The following LMLN variants were observed in gnomAD, a reference collection of about 807,000 sequenced individuals.
LMLN encodes the protein leishmanolysin-like peptidase.
LMLN carries 70 observed loss-of-function variants against 92.3 expected under a neutral mutation model. That is an observed-to-expected ratio of 0.76 (90% CI 0.63 to 0.92). LMLN has a LOEUF of 0.92. Among genes scored for constraint, LMLN ranks in the 40% least tolerant of loss-of-function variants. LMLN has a pLI of 0.00. For missense variants in LMLN, 691 were observed against 814.6 expected (o/e 0.85, Z 1.85); for synonymous variants, 308 against 296.2 (o/e 1.04, Z -0.41).
intron 11 of LMLN, chr3:197,999,658 G>A: frequency 4.1e-6 from 1 of 243,342 alleles, no homozygotes; most frequent in Non-Finnish European, 8.0e-6. Flanking sequence ...TTCCTGCGTG[G>A]CTGGGACTAC....
intron 15 of LMLN, among the ~76,000 whole-genome samples, chr3:198,037,634 G>T (rs546678893): frequency 2.0e-5 from 3 of 152,166 alleles, no homozygotes; most frequent in Non-Finnish European, 4.4e-5. Context: ...ATGAGACTCT[G>T]TCTCAAAATA....
At chr3:197,982,036 C>A (rs376519861) in intron 6 of LMLN, among the ~76,000 whole-genome samples, 42 of 152,112 alleles carry the variant, frequency 2.8e-4, no homozygotes, top group African/African-American at 9.4e-4. Flanking sequence ...GAACCCCTGA[C>A]CTCAGGTGAT....
chr3:198,002,760 A>G (rs906948447), intron 11 of LMLN, among the ~76,000 whole-genome samples: 2 of 152,230 alleles, frequency 1.3e-5, no homozygotes, highest in African/African-American at 4.8e-5. Context: ...AGTGAAAATT[A>G]CAATAGAAAT....
intron 10 of LMLN, among the ~76,000 whole-genome samples, chr3:197,997,016 CTTTCTTTTCT>C (rs781458174): frequency 0.022 from 3,354 of 149,388 alleles, 127 homozygotes; most frequent in African/African-American, 0.078. Flanking sequence ...TTTTCTTTTC[CTTTCTTTTCT>C]TTTCTTTTCT....
chr3:198,005,520 T>G (rs1722268648), intron 11 of LMLN, among the ~76,000 whole-genome samples: 1 of 152,128 alleles, frequency 6.6e-6, no homozygotes, highest in South Asian at 2.1e-4. Context: ...ATAAATGCTA[T>G]GGAAATAGTT....
chr3:198,032,164 C>A (rs1404578335), intron 14 of LMLN, among the ~76,000 whole-genome samples: 1 of 151,764 alleles, frequency 6.6e-6, no homozygotes, highest in Non-Finnish European at 1.5e-5. Context: ...TGAGCACACA[C>A]ATAGGGCTTG....
At chr3:197,991,044 C>A (rs1721851427) in intron 9 of LMLN, among the ~76,000 whole-genome samples, 1 of 151,702 alleles carries the variant, frequency 6.6e-6, no homozygotes, top group Non-Finnish European at 1.5e-5. Context: ...CATCTGTATA[C>A]ACAAAGAAAG....
chr3:197,981,166 G>A (rs974135999), intron 6 of LMLN, among the ~76,000 whole-genome samples: 1 of 152,034 alleles, frequency 6.6e-6, no homozygotes, highest in Non-Finnish European at 1.5e-5. Context: ...CCAGCTCTTT[G>A]TGAGGCTGAG....
chr3:197,989,093 A>G (rs1721793658), intron 8 of LMLN, among the ~76,000 whole-genome samples: 1 of 152,114 alleles, frequency 6.6e-6, no homozygotes, highest in Non-Finnish European at 1.5e-5. Flanking sequence ...TCATTTTTCC[A>G]ATTAACCCTG....
In LMLN at chr3:198,025,460, C is replaced by A. The variant is rs1425302174; in HGVS notation, c.1656+672C>A. ...AGTCACGGCTCATTATATCCTCTAC[C>A]TCCTGGGTTCAAGCGACCTTCCCAC... On this transcript the variant is annotated intron_variant, in intron 14 of 15. Coordinates refer to ENST00000330198, the Ensembl canonical transcript of LMLN. The surrounding 1 kb of genome is among the most constrained non-coding windows in gnomAD (Gnocchi z 4.3). 6.6e-6 allele frequency among the ~76,000 whole-genome samples: 1 copy of A among 152,070 alleles called. No individual in the cohort carries two copies. Among genetic ancestry groups the A allele is most frequent in the Non-Finnish European group, 1.5e-5 (1 of 68,022 alleles).
chr3:198,030,525 C>G (rs891940922), intron 14 of LMLN, among the ~76,000 whole-genome samples: 2 of 152,338 alleles, frequency 1.3e-5, no homozygotes, highest in Middle Eastern at 3.4e-3. Context: ...TTCAGTAGAA[C>G]CAGATACCTG....
chr3:197,991,652 C>A (rs1721874680), intron 9 of LMLN, among the ~76,000 whole-genome samples: 1 of 152,142 alleles, frequency 6.6e-6, no homozygotes. Context: ...ATGTTACTCT[C>A]ATTCCAGAAA....
At chr3:198,032,443 T>C (rs1276345872) in intron 14 of LMLN, among the ~76,000 whole-genome samples, 3 of 152,220 alleles carry the variant, frequency 2.0e-5, no homozygotes, top group Non-Finnish European at 4.4e-5. Flanking sequence ...ATCTCCAGTA[T>C]GCTGGTGTAT....
intron 11 of LMLN, among the ~76,000 whole-genome samples, chr3:198,007,295 A>G (rs1340724460): frequency 1.3e-5 from 2 of 152,144 alleles, no homozygotes; most frequent in Non-Finnish European, 2.9e-5. Context: ...GTTTTTTTCA[A>G]AAGTTTTGTA....
intron 13 of LMLN, 79 bp from the exon 15 acceptor site, chr3:198,024,579 C>A: frequency 8.0e-7 from 1 of 1,253,102 alleles, no homozygotes; most frequent in Non-Finnish European, 1.1e-6. Flanking sequence ...AACTTTTAAT[C>A]ATAAAAATGG....
chr3:197,968,531 G>A (rs1721126629), intron 1 of LMLN, among the ~76,000 whole-genome samples: 1 of 151,970 alleles, frequency 6.6e-6, no homozygotes, highest in Non-Finnish European at 1.5e-5. Context: ...CACAATTTAT[G>A]TTCAGAGATT....
rs1723446931 is a variant in LMLN at position 198,042,917 on chromosome 3, C to T, written c.*4250C>T. 6.6e-6 allele frequency: 1 copy of T among 152,102 alleles called. No homozygotes were observed. Among genetic ancestry groups the T allele is most frequent in the South Asian group, 2.1e-4 (1 of 4,832 alleles). The allele number at this position is 152,102 out of a possible 1,614,324, so 9.4% of individuals were successfully genotyped here. A position where few individuals can be genotyped will look rare whatever the true frequency, so the allele number is the denominator to read the frequency against. On this transcript the variant is annotated 3_prime_UTR_variant, in exon 16 of 16. Coordinates refer to ENST00000330198, the Ensembl canonical transcript of LMLN. This position sits in a 1 kb window ranked among gnomAD's most constrained non-coding sequence, Gnocchi z 4.2. The stretch of plus-strand genomic sequence containing the variant: ...TATTCTGAAAAACATCCTTTTATTT[C>T]TTAAAACCAGTAACCCTTACATTTT...
chr3:198,028,203 A>G (rs373045234), intron 14 of LMLN, among the ~76,000 whole-genome samples: 65 of 152,054 alleles, frequency 4.3e-4, no homozygotes, highest in African/African-American at 1.4e-3. Context: ...GGTGTTTTCA[A>G]TGAACCGACA....
chr3:197,986,357 G>C (rs998438428), intron 8 of LMLN, among the ~76,000 whole-genome samples: 4 of 152,142 alleles, frequency 2.6e-5, no homozygotes, highest in Middle Eastern at 3.2e-3. Flanking sequence ...GCTACTTGGG[G>C]TGCTGAGCAG....
Sources: allele counts gnomAD v4.1 joint callset (sites outside exome capture counted in the v4.1 genomes callset), GRCh38; gene constraint gnomAD v4.1.1; non-coding constraint Gnocchi (gnomAD v3.1); transcripts MANE v1.5; gene names NCBI Gene and HGNC (gene_info 2026-07-23, HGNC 2026-07-21).